Variants in CDK5RAP1 observed in about 807,000 individuals in gnomAD.
CDK5RAP1 encodes the protein mitochondrial tRNA methylthiotransferase CDK5RAP1.
In CDK5RAP1, 62 loss-of-function variants were observed where a neutral mutation model predicts 64.5. That is an observed-to-expected ratio of 0.96 (90% CI 0.78 to 1.19). The LOEUF (loss-of-function observed/expected upper bound fraction) is 1.19, where lower values mean the gene tolerates loss of function less well. Among genes scored for constraint, CDK5RAP1 ranks in the 50% most tolerant of loss-of-function variants. The probability of loss-of-function intolerance (pLI) is 0.00; values close to 1 mark genes in which losing one functional copy is unlikely to be tolerated. For missense variants in CDK5RAP1, 657 were observed against 735.0 expected (o/e 0.89, Z 1.23); for synonymous variants, 250 against 261.9 (o/e 0.95, Z 0.44).
intron 12 of CDK5RAP1, among the ~76,000 whole-genome samples, chr20:33,362,183 A>G (rs1305507099): frequency 6.6e-6 from 1 of 152,142 alleles, no homozygotes; most frequent in Admixed American, 6.6e-5. Context: ...AAAAAATCCC[A>G]AAGAAAACAC....
At chr20:33,372,276 T>TA (rs140253341) in intron 10 of CDK5RAP1, among the ~76,000 whole-genome samples, 90,702 of 138,956 alleles carry the variant, frequency 0.65, 30,255 homozygotes, top group Non-Finnish European at 0.72. Context: ...TTCTTATTTC[T>TA]AAAAAAAAAA....
At chr20:33,365,909 A>C (rs1983836564) in intron 12 of CDK5RAP1, among the ~76,000 whole-genome samples, 1 of 152,224 alleles carries the variant, frequency 6.6e-6, no homozygotes, top group South Asian at 2.1e-4. Context: ...TAAACTGGCC[A>C]TGTCTGGAGG....
At position 33,396,808 on chromosome 20, in the gene CDK5RAP1, G is replaced by T; in HGVS notation, c.257C>A (p.Pro86Gln). The T allele has an allele frequency of 6.2e-7, 1 of 1,613,976 alleles. No homozygotes were observed. Among genetic ancestry groups the T allele is most frequent in the Non-Finnish European group, 8.5e-7 (1 of 1,179,934 alleles). ...QEKLSSEVED[P>Q]PPYLMMDELL... ...TTCATCCATCATGAGATAGGGAGGT[G>T]GGTCTTCCACTTCTGAAGACAGCTT... Residue 86 changes from proline to glutamine, a missense_variant, in exon 2 of 14, where the codon CCA (proline) becomes CAA (glutamine). By Grantham distance (76) the Pro-to-Gln change is moderately conservative (BLOSUM62 -1). Coordinates refer to ENST00000346416, the MANE Select transcript of CDK5RAP1 (RefSeq NM_016408.4).
At chr20:33,398,868 G>A (rs1989140026) in intron 1 of CDK5RAP1, among the ~76,000 whole-genome samples, 1 of 152,124 alleles carries the variant, frequency 6.6e-6, no homozygotes, top group South Asian at 2.1e-4. Flanking sequence ...CAATGCTGCA[G>A]TAAGCCATAA....
chr20:33,364,118 T>C (rs1027924892), intron 12 of CDK5RAP1, among the ~76,000 whole-genome samples: 3 of 152,040 alleles, frequency 2.0e-5, no homozygotes, highest in African/African-American at 7.2e-5. Flanking sequence ...GATAATAGCA[T>C]TTTGTTTATA....
In CDK5RAP1 at chr20:33,366,902, T is replaced by C. The variant is rs1035410157; in HGVS notation, c.1499A>G (p.Asn500Ser). ...TIFREEATKA[N>S]QTSVGCTQLV... ...CTGGGTACAGCCCACAGAGGTCTGA[T>C]TGGCTTTTGTTGCTTCTTCTCGGAA... The change falls in exon 12 of 14, where the codon AAT becomes AGT. Residue 500 changes from asparagine (N) to serine (S), a missense_variant. By Grantham distance (46) the Asn-to-Ser change is conservative. Transcript: ENST00000346416. 6 of 1,614,044 alleles carry C rather than the reference T, an allele frequency of 3.7e-6. No individual in the cohort carries two copies. The African/African-American group carries it at 5.3e-5, about 14-fold the overall frequency.
intron 8 of CDK5RAP1, among the ~76,000 whole-genome samples, chr20:33,378,270 G>A (rs1986271430): frequency 6.6e-6 from 1 of 152,176 alleles, no homozygotes; most frequent in Non-Finnish European, 1.5e-5. Flanking sequence ...GAGGCCTGAG[G>A]AAAGGGAGAG....
In CDK5RAP1 at chr20:33,370,606, T is replaced by C. The variant is rs1476013678; in HGVS notation, c.1285A>G (p.Ile429Val). ...TCCGTCTCACCACAAAAGCCAGCAATGAAATCGCTGCTGAGGCTCACACCT... is the reference window on the plus strand; with the variant it reads ...TCCGTCTCACCACAAAAGCCAGCAACGAAATCGCTGCTGAGGCTCACACCT... ...IPGVSLSSDF[I>V]AGFCGETEED... Residue 429 changes from isoleucine to valine, a missense_variant, in exon 11 of 14, where the codon ATT becomes GTT. Ile to Val is a conservative substitution (Grantham distance 29). Transcript: ENST00000346416. 1.9e-6 allele frequency: 3 copies of C among 1,614,150 alleles called. No homozygotes were observed. The Admixed American group carries it at 5.0e-5, about 27-fold the overall frequency.
chr20:33,396,727 G>A lies in CDK5RAP1; in HGVS notation c.304+34C>T, dbSNP rs369984541. The A allele has an allele frequency of 2.9e-5, 43 of 1,497,762 alleles. No homozygotes were observed. The Admixed American group carries it at 3.8e-4, about 13-fold the overall frequency. 92.8% of individuals were successfully genotyped at this position (1,497,762 alleles called of 1,614,324 possible). A position where few individuals can be genotyped will look rare whatever the true frequency, so the allele number is the denominator to read the frequency against. On this transcript the variant is annotated intron_variant, in intron 2 of 13. Transcript: ENST00000346416. Reference sequence around the variant, plus strand: ...AGGAATGACAGAGAGGAGCAAGGCAGGAAGCCCAAAGGGATAAGCGAAGTA... The same window carrying A: ...AGGAATGACAGAGAGGAGCAAGGCAAGAAGCCCAAAGGGATAAGCGAAGTA...
At chr20:33,385,824 C>T in intron 6 of CDK5RAP1, 54 bp from the exon 7 acceptor site, 2 of 1,551,662 alleles carry the variant, frequency 1.3e-6, no homozygotes, top group Non-Finnish European at 1.7e-6. Context: ...GCTGGTATGA[C>T]CCAAGGAGCA....
intron 12 of CDK5RAP1, among the ~76,000 whole-genome samples, chr20:33,366,184 T>A (rs1983899869): frequency 6.6e-6 from 1 of 150,966 alleles, no homozygotes; most frequent in African/African-American, 2.4e-5. Context: ...CTGGGTGTGG[T>A]AGTGGGTGCC....
intron 7 of CDK5RAP1, among the ~76,000 whole-genome samples, chr20:33,380,284 G>A (rs1202155322): frequency 2.0e-5 from 3 of 152,186 alleles, no homozygotes; most frequent in Admixed American, 2.0e-4. Context: ...CTGGAGTGCA[G>A]CAGCACGATC....
chr20:33,394,494 T>A (rs78051771), intron 3 of CDK5RAP1, among the ~76,000 whole-genome samples: 4 of 150,236 alleles, frequency 2.7e-5, no homozygotes, highest in South Asian at 2.1e-4. Context: ...TTTTTTTTTT[T>A]AATAGAGAAA....
intron 11 of CDK5RAP1, 58 bp downstream of exon 11, chr20:33,370,441 G>A (rs201072879): frequency 8.8e-4 from 1,399 of 1,597,046 alleles, no homozygotes; most frequent in Non-Finnish European, 1.1e-3. Flanking sequence ...GTTCTCTACA[G>A]TCACCACCCC....
chr20:33,368,454 G>A (rs979717487), intron 11 of CDK5RAP1, among the ~76,000 whole-genome samples: 2 of 138,090 alleles, frequency 1.4e-5, no homozygotes, highest in East Asian at 2.1e-4. Context: ...CACCACTCTC[G>A]GCTAATTTTT....
intron 11 of CDK5RAP1, among the ~76,000 whole-genome samples, chr20:33,368,766 G>A (rs1984472804): frequency 6.6e-6 from 1 of 152,138 alleles, no homozygotes; most frequent in African/African-American, 2.4e-5. Flanking sequence ...AGCTACTCGG[G>A]AGGCTGAGGC....
intron 2 of CDK5RAP1, among the ~76,000 whole-genome samples, chr20:33,395,993 G>A (rs1988864828): frequency 1.3e-5 from 2 of 151,954 alleles, no homozygotes; most frequent in African/African-American, 2.4e-5. Context: ...CAGCCTGGGC[G>A]ACAGAGCGAG....
chr20:33,374,140 G>A lies in CDK5RAP1; in HGVS notation c.1180C>T (p.Arg394Cys), dbSNP rs759307435. ...CCCCTCCGCATGGCCTCCAACACAC[G>A]GCTGCTTCCACTCTGGGCTGGCAGG... is the stretch of plus-strand genomic sequence containing the variant. Reference protein sequence around the residue: ...IHLPAQSGSSRVLEAMRRGYS... With the variant: ...IHLPAQSGSSCVLEAMRRGYS... Residue 394 changes from arginine to cysteine, a missense_variant, in exon 9 of 14, where the codon CGT becomes TGT. Arg to Cys is a radical substitution (Grantham distance 180, BLOSUM62 -3). Coordinates refer to ENST00000346416, the MANE Select transcript of CDK5RAP1 (RefSeq NM_016408.4). 15 of 1,613,774 alleles carry A rather than the reference G, an allele frequency of 9.3e-6. No individual in the cohort carries two copies. The highest frequency in any genetic ancestry group is 2.2e-5 in the East Asian group (1 of 44,890).
chr20:33,375,414 AAAAGAAAAAG>A (rs1407162251), intron 8 of CDK5RAP1, among the ~76,000 whole-genome samples: 1 of 149,244 alleles, frequency 6.7e-6, no homozygotes, highest in African/African-American at 2.6e-5. Flanking sequence ...AAAAAAAAAA[AAAAGAAAAAG>A]AAAAGAAAAG....
Sources: gnomAD v4.1 joint callset for allele counts (sites outside exome capture counted in the v4.1 genomes callset) on GRCh38, gnomAD v4.1.1 for gene constraint, MANE v1.5 for transcripts, NCBI Gene and HGNC (gene_info 2026-07-23, HGNC 2026-07-21) for gene names.